The following SH3BP5 variants were observed in gnomAD, a reference collection of about 807,000 sequenced individuals.
SH3BP5 encodes SH3 domain binding protein 5, also known as SH3 domain-binding protein 5.
Under a neutral mutation model 43.3 loss-of-function variants are expected in SH3BP5, and 22 were observed. The ratio of observed to expected loss-of-function variants is 0.51; its 90% confidence interval spans 0.36 to 0.73. SH3BP5 has a LOEUF of 0.73. Ranked by LOEUF, SH3BP5 falls within the 30% of genes least tolerant of loss-of-function variation. The pLI is 0.00. For synonymous variants in SH3BP5, 255 were observed against 225.8 expected (o/e 1.13, Z -1.16); for missense variants, 529 against 586.9 (o/e 0.90, Z 1.02).
chr3:15,294,331 G>GTGTGCA (rs1491090241), intron 3 of SH3BP5, among the ~76,000 whole-genome samples: 10 of 73,278 alleles, frequency 1.4e-4, no homozygotes, highest in African/African-American at 7.1e-4. Flanking sequence ...GTGTGTGTGT[G>GTGTGCA]CGCGCGCATG....
rs199996446 is a variant in SH3BP5 at position 15,258,945 on chromosome 3, C to T, written c.775G>A (p.Glu259Lys). Reference sequence around the variant, plus strand: ...CCCATGGCACTGGAGCGCCGCCGCTCGTGGATCTCATCTGAGATCATCTCC... The same window carrying T: ...CCCATGGCACTGGAGCGCCGCCGCTTGTGGATCTCATCTGAGATCATCTCC... Reference protein sequence around the residue: ...NLEMISDEIHERRRSSAMGPR... With the variant: ...NLEMISDEIHKRRRSSAMGPR... Residue 259 changes from glutamate to lysine, a missense_variant, in exon 7 of 9, where the codon GAG (glutamate) becomes AAG (lysine). Physicochemically the swap from Glu to Lys is moderately conservative, Grantham distance 56. This residue lies in a region of SH3BP5 where 369 missense variants were observed against 384.3 expected (regional missense o/e 0.96). Coordinates refer to ENST00000383791, the MANE Select transcript of SH3BP5 (RefSeq NM_004844.5). 5 of 1,614,188 alleles carry T rather than the reference C, an allele frequency of 3.1e-6. No homozygotes were observed. The highest frequency in any genetic ancestry group is 1.3e-5 in the African/African-American group (1 of 75,056).
chr3:15,256,165 C>A lies in SH3BP5; in HGVS notation c.1289G>T (p.Arg430Leu). ...GCACTGTAGGGAGAGCTGCTTCATC[C>A]GGTTCTCCAAGGCCTGGCCCTCAGG... ...TSPEGQALEN[R>L]MKQLSLQCSK... is the part of the protein sequence containing the mutation. Residue 430 changes from arginine to leucine, a missense_variant, in exon 9 of 9, where the codon CGG becomes CTG. Coordinates refer to ENST00000383791, the MANE Select transcript of SH3BP5 (RefSeq NM_004844.5). The A allele has an allele frequency of 1.2e-6, 2 of 1,614,176 alleles. No homozygotes were observed. Among genetic ancestry groups the A allele is most frequent in the Non-Finnish European group, 1.7e-6 (2 of 1,180,012 alleles).
chr3:15,333,011 T>G, upstream of SH3BP5: 1 of 813,718 alleles, frequency 1.2e-6, no homozygotes. Flanking sequence ...GGAGGTTCCG[T>G]GCACTGATGC....
chr3:15,317,813 A>T (rs1698221505), intron 2 of SH3BP5, among the ~76,000 whole-genome samples: 1 of 152,192 alleles, frequency 6.6e-6, no homozygotes. Context: ...CATTTCACTG[A>T]TGAAGTGACT....
At position 15,256,228 on chromosome 3, in the gene SH3BP5, C is replaced by T; in HGVS notation, c.1226G>A (p.Gly409Asp). 6.2e-7 allele frequency: 1 copy of T among 1,614,218 alleles called. No homozygotes were observed. The highest frequency in any genetic ancestry group is 8.5e-7 in the Non-Finnish European group (1 of 1,180,034). ...NNNRGLSSSSGSGGSSKSQSS... is the reference protein window; with the variant it reads ...NNNRGLSSSSDSGGSSKSQSS... ...TTGGCTCTTACTGCTGCCACCACTG[C>T]CACTGCTACTGCTGAGGCCCCGGTT... Residue 409 changes from glycine (G) to aspartate (D), a missense_variant, in exon 9 of 9, where the codon GGC becomes GAC. Coordinates refer to ENST00000383791, the MANE Select transcript of SH3BP5 (RefSeq NM_004844.5).
intron 2 of SH3BP5, among the ~76,000 whole-genome samples, chr3:15,326,179 G>T (rs1464168674): frequency 6.6e-6 from 1 of 152,142 alleles, no homozygotes; most frequent in Non-Finnish European, 1.5e-5. Flanking sequence ...GCATGCAAAG[G>T]GGACCCAGCA....
chr3:15,319,130 C>T (rs918565875), intron 2 of SH3BP5, among the ~76,000 whole-genome samples: 1 of 152,192 alleles, frequency 6.6e-6, no homozygotes, highest in African/African-American at 2.4e-5. Context: ...CTAGGCTCCA[C>T]TAATTTTTTC....
At chr3:15,269,898 A>G (rs764065569) in intron 3 of SH3BP5, 21 bp from the exon 4 acceptor site, 2 of 1,499,958 alleles carry the variant, frequency 1.3e-6, no homozygotes, top group East Asian at 2.4e-5. Flanking sequence ...AAGAATCCTC[A>G]TGAGGCCTCA....
chr3:15,321,315 AAGTGC>A (rs1297914596), intron 2 of SH3BP5, among the ~76,000 whole-genome samples: 1 of 152,162 alleles, frequency 6.6e-6, no homozygotes, highest in East Asian at 1.9e-4. Flanking sequence ...GAAGATCCTA[AAGTGC>A]CTTTATAGCA....
rs79450254 is a variant in SH3BP5, at chr3:15,326,120, G to T, written c.201+4384C>A. Among the ~76,000 whole-genome samples, 510 of 152,260 alleles carry T rather than the reference G, an allele frequency of 3.3e-3. 4 individuals carry two copies. The highest frequency in any genetic ancestry group is 0.012 in the African/African-American group (490 of 41,554). ...TATCCAAGGGCTCTCTGGTTAAAAG[G>T]TTCCTCCTTTTACAGCTTGAAAAGG... On this transcript the variant is annotated intron_variant, in intron 2 of 8. Coordinates refer to ENST00000383791, the MANE Select transcript of SH3BP5 (RefSeq NM_004844.5).
In SH3BP5 at chr3:15,255,151, A is replaced by C. The variant is rs1304639523; in HGVS notation, c.*935T>G. On this transcript the variant is annotated 3_prime_UTR_variant, in exon 9 of 9. Transcript: ENST00000383791. The stretch of plus-strand genomic sequence containing the variant: ...TACTATTAACAGCCTTTGCCAACAC[A>C]TGCCTGCCTACTCCCTTTCCTAACT... The C allele has an allele frequency of 6.6e-6, 1 of 152,612 alleles. No homozygotes were observed. The highest frequency in any genetic ancestry group is 2.4e-5 in the African/African-American group (1 of 41,422). The allele number at this position is 152,612 out of a possible 1,614,324, so 9.5% of individuals were successfully genotyped here.
intron 2 of SH3BP5, among the ~76,000 whole-genome samples, chr3:15,322,768 G>A (rs754167102): frequency 9.9e-5 from 15 of 152,228 alleles, no homozygotes; most frequent in Admixed American, 7.2e-4. Flanking sequence ...CCAGGAGTTC[G>A]AGGCTCCAGG....
chr3:15,257,726 A>C (rs1264840403), intron 7 of SH3BP5: 3 of 152,290 alleles, frequency 2.0e-5, no homozygotes, highest in African/African-American at 7.2e-5. Flanking sequence ...CAAAGTAACA[A>C]GGCCCAGACA....
chr3:15,297,746 C>T (rs971168677), intron 3 of SH3BP5, among the ~76,000 whole-genome samples: 3 of 151,964 alleles, frequency 2.0e-5, no homozygotes, highest in African/African-American at 7.3e-5. Flanking sequence ...GCCTAGTCAC[C>T]CCTGCTACCC....
intron 2 of SH3BP5, among the ~76,000 whole-genome samples, chr3:15,311,466 A>G (rs575884724): frequency 6.6e-6 from 1 of 152,166 alleles, no homozygotes; most frequent in South Asian, 2.1e-4. Context: ...AGGCTGAGGC[A>G]GGAGAATTGC....
rs1698635253 is a variant in SH3BP5, at chr3:15,332,349, G to A, written c.60C>T (p.Ala20=). ...SEEPAEILPP[A]RDEEEEEEEG... ...CTTCCTCCTCCTCCTCCTCGTCCCG[G>A]GCAGGCGGCAGGATTTCGGCTGGCT... is the stretch of plus-strand genomic sequence containing the variant. The change falls in exon 1 of 9, where the codon GCC becomes GCT. Residue 20 remains alanine (A), a synonymous_variant. Transcript: ENST00000383791. The A allele has an allele frequency of 1.3e-6, 2 of 1,541,940 alleles. No individual in the cohort carries two copies. The highest frequency in any genetic ancestry group is 1.7e-6 in the Non-Finnish European group (2 of 1,148,304).
intron 2 of SH3BP5, among the ~76,000 whole-genome samples, chr3:15,313,699 G>T (rs1212301895): frequency 1.3e-5 from 2 of 152,218 alleles, no homozygotes; most frequent in Admixed American, 1.3e-4. Flanking sequence ...CGGAACTTCT[G>T]TGACGATGAC....
rs1000601531 is a variant in SH3BP5 at position 15,255,964 on chromosome 3, T to A, written c.*122A>T. The A allele has an allele frequency of 4.6e-6, 4 of 864,880 alleles. No individual in the cohort carries two copies. The highest frequency in any genetic ancestry group is 7.3e-6 in the Non-Finnish European group (4 of 546,524). 53.6% of individuals were successfully genotyped at this position (864,880 alleles called of 1,614,324 possible). A position where few individuals can be genotyped will look rare whatever the true frequency, so the allele number is the denominator to read the frequency against. On this transcript the variant is annotated 3_prime_UTR_variant, in exon 9 of 9. Transcript: ENST00000383791. The stretch of plus-strand genomic sequence containing the variant: ...CTTTAGCCCTCAAGGTCACTGAAAC[T>A]TCATTAGAGCAGTTTAGAGTAGACG...
At chr3:15,282,466 G>A (rs956361096) in intron 3 of SH3BP5, among the ~76,000 whole-genome samples, 2 of 151,986 alleles carry the variant, frequency 1.3e-5, no homozygotes, top group African/African-American at 4.8e-5. Flanking sequence ...ATCAGCTGTT[G>A]CTTTGCTATT....
Sources: gnomAD v4.1 joint callset for allele counts (sites outside exome capture counted in the v4.1 genomes callset) on GRCh38, gnomAD v4.1.1 for gene constraint, gnomAD v4.1.1 regional missense constraint, MANE v1.5 for transcripts, NCBI Gene and HGNC (gene_info 2026-07-23, HGNC 2026-07-21) for gene names.